GATA4: variants seen among roughly 807,000 people sequenced by gnomAD.
GATA4 encodes the protein GATA binding protein 4.
Under a neutral mutation model 37.9 loss-of-function variants are expected in GATA4, and 7 were observed. The observed-to-expected ratio is 0.18, with a 90% CI of 0.11 to 0.35. The LOEUF is 0.35. GATA4 is among the 10% of genes least tolerant of loss of function. The pLI, the probability that GATA4 is intolerant of heterozygous loss-of-function variation, is 1.00. For synonymous variants in GATA4, 372 were observed against 292.6 expected (o/e 1.27, Z -2.77); for missense variants, 647 against 653.0 (o/e 0.99, Z 0.10).
At chr8:11,743,566 G>C (rs13275657) in intron 2 of GATA4, among the ~76,000 whole-genome samples, 1 of 152,098 alleles carries the variant, frequency 6.6e-6, no homozygotes, top group African/African-American at 2.4e-5. Flanking sequence ...AGTGGAGAGC[G>C]GAACCGTGAC....
At chr8:11,743,037 C>G (rs116938795) in intron 2 of GATA4, among the ~76,000 whole-genome samples, 1,525 of 152,368 alleles carry the variant, frequency 0.01, 51 homozygotes, top group Admixed American at 0.06. Flanking sequence ...TCTGGCCCCT[C>G]TTGTGTAGCA....
At chr8:11,678,523 G>C (rs1377947197) in intron 1 of GATA4, among the ~76,000 whole-genome samples, 1 of 152,146 alleles carries the variant, frequency 6.6e-6, no homozygotes, top group Non-Finnish European at 1.5e-5. Flanking sequence ...CCAAAAATAA[G>C]GGAAATTGAA....
chr8:11,732,108 A>G (rs994234768), intron 2 of GATA4, among the ~76,000 whole-genome samples: 8 of 152,272 alleles, frequency 5.3e-5, no homozygotes, highest in African/African-American at 1.7e-4. Context: ...ATCTGCATTA[A>G]AATTTTAAGT....
At chr8:11,686,521 C>T (rs879898261) in intron 1 of GATA4, among the ~76,000 whole-genome samples, 3 of 152,152 alleles carry the variant, frequency 2.0e-5, no homozygotes, top group African/African-American at 7.2e-5. Context: ...GGAGGCAGCT[C>T]CTCCTAAGCT....
rs1267911587 is a variant in GATA4, at chr8:11,709,101, GC to G, written c.616+177del. On this transcript the variant is annotated intron_variant, in intron 2 of 6. Coordinates refer to ENST00000532059, the MANE Select transcript of GATA4 (RefSeq NM_001308093.3). This position sits in a 1 kb window ranked among gnomAD's most constrained non-coding sequence, Gnocchi z 4.3. Reference sequence around the variant, plus strand: ...CCAGTGCGGGGCTGGCGACATCACAGCCCCAGAAGACCGGCTTCTGTGGAAG... The same window carrying G: ...CCAGTGCGGGGCTGGCGACATCACAGCCCAGAAGACCGGCTTCTGTGGAAG... 1.3e-5 allele frequency among the ~76,000 whole-genome samples: 2 copies of G among 152,164 alleles called. No individual in the cohort carries two copies. Among genetic ancestry groups the G allele is most frequent in the Non-Finnish European group, 2.9e-5 (2 of 68,030 alleles).
intron 2 of GATA4, among the ~76,000 whole-genome samples, chr8:11,714,637 A>G (rs1585611137): frequency 1.3e-5 from 2 of 152,198 alleles, no homozygotes; most frequent in East Asian, 3.8e-4. Flanking sequence ...GGGGTGTGTC[A>G]CTACCTCTAG....
upstream of GATA4, among the ~76,000 whole-genome samples, chr8:11,689,799 G>A: frequency 6.6e-6 from 1 of 152,206 alleles, no homozygotes; most frequent in Non-Finnish European, 1.5e-5. Flanking sequence ...AGAGCCCAGG[G>A]CTGCCTTATC....
chr8:11,759,775 G>T lies in GATA4; in HGVS notation c.*1300G>T, dbSNP rs922687788. ...CTCAGCAGAGCTGTAGCTGACTGTG[G>T]CATTACTACGCCTCCCCACACGCCC... On this transcript the variant is annotated 3_prime_UTR_variant, in exon 7 of 7. Transcript: ENST00000532059. 1.3e-5 allele frequency: 2 copies of T among 152,242 alleles called. No individual in the cohort carries two copies. The highest frequency in any genetic ancestry group is 4.8e-5 in the African/African-American group (2 of 41,430). 9.4% of individuals were successfully genotyped at this position (152,242 alleles called of 1,614,324 possible). A position where few individuals can be genotyped will look rare whatever the true frequency, so the allele number is the denominator to read the frequency against.
At chr8:11,712,676 T>C (rs1035422640) in intron 2 of GATA4, among the ~76,000 whole-genome samples, 1 of 134,122 alleles carries the variant, frequency 7.5e-6, no homozygotes, top group African/African-American at 3.0e-5. Context: ...GACAACATAG[T>C]GAGACCACAT....
chr8:11,758,217 C>A lies in GATA4; in HGVS notation c.1150-76C>A, dbSNP rs562262572. On this transcript the variant is annotated intron_variant, in intron 6 of 6. Coordinates refer to ENST00000532059, the MANE Select transcript of GATA4 (RefSeq NM_001308093.3). ...TCCTGGGGACATCTGCATAGCAGGG[C>A]ACCCTCCCCAGCCTAGACCTCCCAA... The A allele has an allele frequency of 6.4e-5, 94 of 1,462,828 alleles. 2 individuals carry two copies. The East Asian group carries it at 2.1e-3, about 32-fold the overall frequency. The allele number at this position is 1,462,828 out of a possible 1,614,324, so 90.6% of individuals were successfully genotyped here.
intron 5 of GATA4, 130 bp from the exon 6 acceptor site, chr8:11,756,805 C>T (rs1585702499): frequency 4.1e-6 from 5 of 1,221,962 alleles, no homozygotes; most frequent in East Asian, 2.3e-5. Flanking sequence ...CAGATAAGGA[C>T]CTCTGCTGCT....
upstream of GATA4, among the ~76,000 whole-genome samples, chr8:11,688,608 G>T (rs1024529430): frequency 1.3e-5 from 2 of 152,220 alleles, no homozygotes; most frequent in South Asian, 4.1e-4. Context: ...CCCAGAGTCA[G>T]TGGGTGTCAG....
At chr8:11,735,944 T>C (rs1213489504) in intron 2 of GATA4, among the ~76,000 whole-genome samples, 2 of 152,212 alleles carry the variant, frequency 1.3e-5, no homozygotes, top group African/African-American at 4.8e-5. Flanking sequence ...AGGGTTTTGC[T>C]TTGTCACCCA....
intron 2 of GATA4, among the ~76,000 whole-genome samples, chr8:11,747,666 A>G (rs2130301033): frequency 6.6e-6 from 1 of 152,374 alleles, no homozygotes; most frequent in East Asian, 1.9e-4. Flanking sequence ...TCTACTTCTC[A>G]GAGAGTATCT....
At chr8:11,688,598 C>T (rs1799215912), upstream of GATA4, among the ~76,000 whole-genome samples, 1 of 152,066 alleles carries the variant, frequency 6.6e-6, no homozygotes, top group Non-Finnish European at 1.5e-5. Context: ...TTATGTGATG[C>T]CCAGAGTCAG....
chr8:11,752,138 G>C (rs1585692057), intron 4 of GATA4, among the ~76,000 whole-genome samples: 1 of 152,242 alleles, frequency 6.6e-6, no homozygotes, highest in Non-Finnish European at 1.5e-5. Context: ...TCTTGATCTA[G>C]AAAATGAAAA....
At chr8:11,701,956 G>A (rs971074812), upstream of GATA4, among the ~76,000 whole-genome samples, 2 of 152,158 alleles carry the variant, frequency 1.3e-5, no homozygotes, top group Admixed American at 6.5e-5. Context: ...AAAAGCAGGC[G>A]TTCCCACCCA....
At chr8:11,698,067 C>T (rs1799560506) in intron 1 of GATA4, 2 of 956,210 alleles carry the variant, frequency 2.1e-6, no homozygotes, top group African/African-American at 1.8e-5. Flanking sequence ...TCTCCTCCCA[C>T]CCAGGCCCGG....
At chr8:11,733,776 T>C (rs1023505408) in intron 2 of GATA4, among the ~76,000 whole-genome samples, 1 of 152,240 alleles carries the variant, frequency 6.6e-6, no homozygotes, top group African/African-American at 2.4e-5. Context: ...TGTTCTTTCC[T>C]GTACTGAGGG....
Sources: allele counts gnomAD v4.1 joint callset (sites outside exome capture counted in the v4.1 genomes callset), GRCh38; gene constraint gnomAD v4.1.1; non-coding constraint Gnocchi (gnomAD v3.1); transcripts MANE v1.5; gene names NCBI Gene and HGNC (gene_info 2026-07-23, HGNC 2026-07-21).